Variants in GPC5 observed in about 807,000 individuals in gnomAD.
GPC5 encodes the protein glypican 5.
Under a neutral mutation model 53.9 loss-of-function variants are expected in GPC5, and 47 were observed. The observed-to-expected ratio is 0.87, with a 90% CI of 0.69 to 1.11. The LOEUF is 1.11. GPC5 is among the 50% of genes most tolerant of loss of function. GPC5 has a pLI of 0.00. For missense variants in GPC5, 748 were observed against 713.1 expected, an observed-to-expected ratio of 1.05 and a Z score of -0.56; for synonymous variants, 286 against 263.3, an observed-to-expected ratio of 1.09 and a Z score of -0.84.
intron 7 of GPC5, among the ~76,000 whole-genome samples, chr13:92,301,620 C>T (rs886850191): frequency 6.6e-6 from 1 of 152,042 alleles, no homozygotes; most frequent in African/African-American, 2.4e-5. Flanking sequence ...GTGACAGTGG[C>T]TTATACCTGT....
chr13:92,099,177 G>A (rs1044938773), intron 6 of GPC5, among the ~76,000 whole-genome samples: 10 of 151,994 alleles, frequency 6.6e-5, no homozygotes, highest in African/African-American at 2.4e-4. Flanking sequence ...TTTAACCAGA[G>A]TTTCCCAATA....
intron 5 of GPC5, among the ~76,000 whole-genome samples, chr13:91,756,813 C>G (rs2037303000): frequency 6.6e-6 from 1 of 151,564 alleles, no homozygotes; most frequent in African/African-American, 2.4e-5. Flanking sequence ...TTCAAAGATT[C>G]ATTGGTATAT....
intron 5 of GPC5, among the ~76,000 whole-genome samples, chr13:91,852,115 C>T (rs1053010528): frequency 6.6e-6 from 1 of 151,954 alleles, no homozygotes; most frequent in Non-Finnish European, 1.5e-5. Context: ...ACAGTCCCAC[C>T]AACAGTTAAA....
intron 1 of GPC5, among the ~76,000 whole-genome samples, chr13:91,400,243 G>A (rs947118752): frequency 3.9e-5 from 6 of 152,170 alleles, no homozygotes; most frequent in African/African-American, 1.4e-4. Flanking sequence ...AGTTTCCAGG[G>A]TTGGGGGACT....
At chr13:92,142,619 T>A (rs1025595015) in intron 6 of GPC5, among the ~76,000 whole-genome samples, 1 of 152,196 alleles carries the variant, frequency 6.6e-6, no homozygotes, top group African/African-American at 2.4e-5. Context: ...CCAAAATCAA[T>A]TTCTTAAAAT....
intron 5 of GPC5, among the ~76,000 whole-genome samples, chr13:91,861,542 G>A (rs1831423): frequency 0.88 from 134,037 of 151,734 alleles, 59,572 homozygotes; most frequent in East Asian, 1. Flanking sequence ...GCTTCCTAAT[G>A]CTTGTTGTGT....
intron 7 of GPC5, among the ~76,000 whole-genome samples, chr13:92,263,155 TTATTA>T (rs2139143918): frequency 6.6e-6 from 1 of 152,192 alleles, no homozygotes; most frequent in South Asian, 2.1e-4. Context: ...AATAATAATG[TTATTA>T]TATTTGTAAA....
intron 7 of GPC5, among the ~76,000 whole-genome samples, chr13:92,286,445 T>C (rs938938607): frequency 7.2e-5 from 11 of 152,174 alleles, no homozygotes; most frequent in Non-Finnish European, 1.6e-4. Flanking sequence ...TGTATGTTTA[T>C]TTCGGCACTA....
chr13:91,506,541 A>G (rs554786985), intron 2 of GPC5, among the ~76,000 whole-genome samples: 2 of 152,304 alleles, frequency 1.3e-5, no homozygotes, highest in East Asian at 1.9e-4. Flanking sequence ...TGTAAGATCT[A>G]TATGCCAACA....
chr13:91,621,241 A>G (rs1330478761), intron 2 of GPC5, among the ~76,000 whole-genome samples: 2 of 152,162 alleles, frequency 1.3e-5, no homozygotes, highest in Admixed American at 1.3e-4. Flanking sequence ...TTCTTTAAAA[A>G]AGAGAAGTCA....
At chr13:91,739,737 A>G (rs1243717849) in intron 4 of GPC5, among the ~76,000 whole-genome samples, 1 of 151,438 alleles carries the variant, frequency 6.6e-6, no homozygotes, top group Non-Finnish European at 1.5e-5. Context: ...CTGCCGTCTT[A>G]TATGAGCTGG....
intron 2 of GPC5, among the ~76,000 whole-genome samples, chr13:91,487,745 T>C (rs977968265): frequency 1.3e-4 from 20 of 152,222 alleles, no homozygotes; most frequent in Admixed American, 1.3e-3. Context: ...TTCTCCTTTA[T>C]AGATCAGATG....
At chr13:91,577,371 A>G (rs992215871) in intron 2 of GPC5, among the ~76,000 whole-genome samples, 1 of 152,190 alleles carries the variant, frequency 6.6e-6, no homozygotes, top group Non-Finnish European at 1.5e-5. Context: ...TGAATTATAC[A>G]TTGGTCTTTC....
chr13:92,098,863 A>G (rs2041442671), intron 6 of GPC5, among the ~76,000 whole-genome samples: 1 of 152,130 alleles, frequency 6.6e-6, no homozygotes, highest in Non-Finnish European at 1.5e-5. Context: ...TGGACACCTA[A>G]CCTTCAGAAA....
intron 6 of GPC5, among the ~76,000 whole-genome samples, chr13:92,011,309 T>G (rs748836643): frequency 2.6e-5 from 4 of 152,200 alleles, no homozygotes; most frequent in Non-Finnish European, 4.4e-5. Flanking sequence ...TCATCATTTG[T>G]AGCTGTTAAC....
intron 7 of GPC5, among the ~76,000 whole-genome samples, chr13:92,549,935 T>TGCTTTG (rs1555289401): frequency 6.6e-6 from 1 of 150,392 alleles, no homozygotes; most frequent in African/African-American, 2.5e-5. Context: ...CTTTTTTGTA[T>TGCTTTG]ACTTTGGAGG....
At chr13:91,667,402 C>A (rs2035141637) in intron 2 of GPC5, among the ~76,000 whole-genome samples, 1 of 152,082 alleles carries the variant, frequency 6.6e-6, no homozygotes, top group South Asian at 2.1e-4. Context: ...TTAATTTAAG[C>A]TAAAACTATA....
intron 6 of GPC5, among the ~76,000 whole-genome samples, chr13:92,092,535 C>T (rs1405520195): frequency 6.6e-6 from 1 of 152,044 alleles, no homozygotes; most frequent in Admixed American, 6.5e-5. Context: ...CAGTTGAGTT[C>T]ACTAATAAAA....
chr13:91,956,394 A>G (rs2139067807), intron 6 of GPC5, among the ~76,000 whole-genome samples: 1 of 152,092 alleles, frequency 6.6e-6, no homozygotes, highest in Non-Finnish European at 1.5e-5. Flanking sequence ...ACCTCTTGGG[A>G]GGCACAGGGT....
Sources: allele counts gnomAD v4.1 joint callset (sites outside exome capture counted in the v4.1 genomes callset), GRCh38; gene constraint gnomAD v4.1.1; transcripts MANE v1.5; gene names NCBI Gene and HGNC (gene_info 2026-07-23, HGNC 2026-07-21).